LEPR: variants seen among roughly 807,000 people sequenced by gnomAD.
LEPR encodes the protein OB receptor.
In LEPR, 56 loss-of-function variants were observed where a neutral mutation model predicts 114.7. The observed-to-expected ratio is 0.49, with a 90% CI of 0.39 to 0.61. The LOEUF (loss-of-function observed/expected upper bound fraction) is 0.61, where lower values mean the gene tolerates loss of function less well. LEPR is among the 20% of genes least tolerant of loss of function. The pLI is 0.00. For missense variants in LEPR, 1,202 were observed against 1,352.9 expected (o/e 0.89, Z 1.75); for synonymous variants, 443 against 461.4 (o/e 0.96, Z 0.51).
chr1:65,626,918 G>A (rs1266677797), intron 19 of LEPR, among the ~76,000 whole-genome samples: 2 of 152,058 alleles, frequency 1.3e-5, no homozygotes, highest in Non-Finnish European at 2.9e-5. Flanking sequence ...TAACAGATGT[G>A]AGCCACCACA....
At chr1:65,540,712 T>C (rs1257281291) in intron 2 of LEPR, among the ~76,000 whole-genome samples, 2 of 152,216 alleles carry the variant, frequency 1.3e-5, no homozygotes, top group Middle Eastern at 3.2e-3. Flanking sequence ...ACTAATGTTT[T>C]AGAAATTTGT....
At chr1:65,537,949 T>G (rs377007506) in intron 2 of LEPR, among the ~76,000 whole-genome samples, 137 of 152,310 alleles carry the variant, frequency 9.0e-4, no homozygotes, top group African/African-American at 3.0e-3. Context: ...GAATCAAAGT[T>G]AAGGAGATTC....
chr1:65,507,321 G>A (rs1648782118), intron 2 of LEPR, among the ~76,000 whole-genome samples: 1 of 152,036 alleles, frequency 6.6e-6, no homozygotes, highest in Non-Finnish European at 1.5e-5. Context: ...AAAGTGCTGG[G>A]ATGATAGGTG....
chr1:65,450,258 G>C (rs754317492), intron 2 of LEPR, among the ~76,000 whole-genome samples: 5 of 152,016 alleles, frequency 3.3e-5, no homozygotes, highest in African/African-American at 4.8e-5. Flanking sequence ...TTTTGTTCCA[G>C]ATTAAATGCT....
intron 2 of LEPR, among the ~76,000 whole-genome samples, chr1:65,462,220 C>T (rs895038082): frequency 6.6e-6 from 1 of 152,162 alleles, no homozygotes; most frequent in Non-Finnish European, 1.5e-5. Flanking sequence ...TCTTGTTCAA[C>T]TCCCACCTAT....
At chr1:65,424,512 G>C (rs563939538) in intron 1 of LEPR, among the ~76,000 whole-genome samples, 1 of 151,672 alleles carries the variant, frequency 6.6e-6, no homozygotes, top group African/African-American at 2.4e-5. Context: ...ATAGGGGTTA[G>C]GTACTGGAAT....
At chr1:65,617,697 A>G (rs898562116) in intron 15 of LEPR, among the ~76,000 whole-genome samples, 3 of 152,224 alleles carry the variant, frequency 2.0e-5, no homozygotes, top group African/African-American at 4.8e-5. Flanking sequence ...AGTATTCCAT[A>G]TGAGAATGCC....
intron 2 of LEPR, among the ~76,000 whole-genome samples, chr1:65,544,819 A>ATTG (rs1448025441): frequency 6.6e-6 from 1 of 150,944 alleles, no homozygotes; most frequent in Non-Finnish European, 1.5e-5. Context: ...TATTATTATT[A>ATTG]TTATACTTTA....
At chr1:65,521,732 A>T (rs1649643969) in intron 2 of LEPR, among the ~76,000 whole-genome samples, 2 of 152,202 alleles carry the variant, frequency 1.3e-5, no homozygotes, top group Admixed American at 6.5e-5. Context: ...TTGTTTTTCC[A>T]TGAGGACTTA....
chr1:65,582,278 C>G (rs1486532633), intron 5 of LEPR, among the ~76,000 whole-genome samples: 1 of 152,166 alleles, frequency 6.6e-6, no homozygotes, highest in African/African-American at 2.4e-5. Context: ...AAAGGAGTAT[C>G]TGCTTCAGGG....
intron 2 of LEPR, among the ~76,000 whole-genome samples, chr1:65,426,585 G>A (rs899236404): frequency 6.6e-6 from 1 of 152,116 alleles, no homozygotes. Context: ...GGAAAGAAAA[G>A]GAGAGTGAGT....
intron 2 of LEPR, chr1:65,525,833 C>G (rs1649912527): frequency 1.0e-6 from 1 of 985,432 alleles, no homozygotes; most frequent in Non-Finnish European, 1.2e-6. Context: ...GACCTGCTTC[C>G]CTCTCCGACA....
At chr1:65,598,916 A>G in intron 8 of LEPR, 112 bp downstream of exon 8, 1 of 1,488,472 alleles carries the variant, frequency 6.7e-7, no homozygotes, top group Non-Finnish European at 9.2e-7. Context: ...GGAGGAACAC[A>G]GTATCAACTT....
At chr1:65,520,948 C>A (rs930612124) in intron 2 of LEPR, among the ~76,000 whole-genome samples, 1 of 152,200 alleles carries the variant, frequency 6.6e-6, no homozygotes, top group Non-Finnish European at 1.5e-5. Context: ...GTTCCTTGCT[C>A]TCATTCCGGT....
At chr1:65,429,229 A>G (rs573438359) in intron 2 of LEPR, among the ~76,000 whole-genome samples, 2 of 152,300 alleles carry the variant, frequency 1.3e-5, no homozygotes, top group Non-Finnish European at 2.9e-5. Context: ...TGAAGGAGTC[A>G]GCCAATGAGA....
intron 3 of LEPR, among the ~76,000 whole-genome samples, chr1:65,566,761 C>T (rs1407944127): frequency 6.6e-6 from 1 of 152,158 alleles, no homozygotes; most frequent in African/African-American, 2.4e-5. Context: ...TCCTTGGCTA[C>T]CCCAATCTAA....
At chr1:65,581,420 T>A (rs927041848) in intron 5 of LEPR, among the ~76,000 whole-genome samples, 1 of 151,696 alleles carries the variant, frequency 6.6e-6, no homozygotes, top group Non-Finnish European at 1.5e-5. Context: ...CCTGCTTTCC[T>A]ACCAGCACAA....
chr1:65,577,040 T>G (rs1214337787), intron 5 of LEPR: 1 of 251,812 alleles, frequency 4.0e-6, no homozygotes, highest in Non-Finnish European at 8.1e-6. Flanking sequence ...CAAGCTCCTA[T>G]TTGAAGTGCA....
intron 2 of LEPR, among the ~76,000 whole-genome samples, chr1:65,485,910 G>A (rs1647462586): frequency 6.6e-6 from 1 of 152,158 alleles, no homozygotes; most frequent in Non-Finnish European, 1.5e-5. Flanking sequence ...GAACTGGAGT[G>A]TCAGATGGAG....
Sources: allele counts gnomAD v4.1 joint callset (sites outside exome capture counted in the v4.1 genomes callset), GRCh38; gene constraint gnomAD v4.1.1; transcripts MANE v1.5; gene names NCBI Gene and HGNC (gene_info 2026-07-23, HGNC 2026-07-21).